Variants in GANC observed in about 807,000 individuals in gnomAD.
GANC encodes neutral alpha-glucosidase C.
A neutral mutation model predicts 124.2 loss-of-function variants in GANC; 117 were observed. That is an observed-to-expected ratio of 0.94 (90% CI 0.81 to 1.10). The LOEUF is 1.10. GANC is among the 50% of genes least tolerant of loss of function. The probability of loss-of-function intolerance (pLI) is 0.00; values close to 1 mark genes in which losing one functional copy is unlikely to be tolerated. For synonymous variants in GANC, 377 were observed against 376.8 expected (o/e 1.00, Z -0.01); for missense variants, 1,140 against 1,095.0 (o/e 1.04, Z -0.58).
chr15:42,337,114 C>T (rs1360577026), intron 15 of GANC, among the ~76,000 whole-genome samples: 2 of 152,144 alleles, frequency 1.3e-5, no homozygotes, highest in Non-Finnish European at 2.9e-5. Context: ...ACCATTTGAC[C>T]CAGCAATCCC....
chr15:42,284,252 A>T, intron 3 of GANC: 1 of 520,418 alleles, frequency 1.9e-6, no homozygotes, highest in Non-Finnish European at 3.4e-6. Flanking sequence ...GTCTTTACTA[A>T]TTGTGATTCC....
intron 3 of GANC, among the ~76,000 whole-genome samples, chr15:42,281,316 T>C (rs947847191): frequency 6.6e-6 from 1 of 152,230 alleles, no homozygotes; most frequent in Non-Finnish European, 1.5e-5. Flanking sequence ...TCTGTCAGTC[T>C]GTTAGAGACA....
intron 6 of GANC, 114 bp from the exon 7 acceptor site, chr15:42,306,432 A>G: frequency 6.3e-6 from 5 of 795,076 alleles, no homozygotes; most frequent in Non-Finnish European, 1.0e-5. Context: ...CTTCTAAAAG[A>G]TGAACTCACT....
intron 11 of GANC, among the ~76,000 whole-genome samples, chr15:42,325,862 T>C (rs536730906): frequency 6.6e-6 from 1 of 152,316 alleles, no homozygotes; most frequent in African/African-American, 2.4e-5. Flanking sequence ...GCTCAAACAG[T>C]CCTCCTGCCT....
intron 21 of GANC, among the ~76,000 whole-genome samples, chr15:42,349,073 T>C (rs2052396121): frequency 6.6e-6 from 1 of 152,242 alleles, no homozygotes; most frequent in African/African-American, 2.4e-5. Flanking sequence ...CAATGAACTT[T>C]CTTGGCCTTG....
Position 42,353,658 on chromosome 15 carries a change from T to C in GANC, c.*1519T>C, listed in dbSNP as rs776706358. ...GATTTAATTGATTAAAAAATTACGA[T>C]TGAATGTATTTCCATCTGATTTGCT... On this transcript the variant is annotated 3_prime_UTR_variant, in exon 24 of 24. Transcript: ENST00000318010. 1.0e-6 allele frequency: 1 copy of C among 985,482 alleles called. No homozygotes were observed. The highest frequency in any genetic ancestry group is 1.2e-6 in the Non-Finnish European group (1 of 829,792). The allele number at this position is 985,482 out of a possible 1,614,324, so 61.0% of individuals were successfully genotyped here.
chr15:42,307,218 A>C (rs2052006018), intron 7 of GANC, among the ~76,000 whole-genome samples: 1 of 152,010 alleles, frequency 6.6e-6, no homozygotes, highest in African/African-American at 2.4e-5. Flanking sequence ...TAAAATTCCC[A>C]TTCTAGCCAT....
rs1280520932 is a variant in GANC at position 42,322,116 on chromosome 15, T to TA, written c.1293+102dup. ...ACATCAGTGGTGGAGAAACATCTGA[T>TA]AAAAAATGGCTGTGAAAATAGTAGA... On this transcript the variant is annotated intron_variant, in intron 11 of 23. Coordinates refer to ENST00000318010, the MANE Select transcript of GANC (RefSeq NM_198141.3). 35 of 950,524 alleles carry TA rather than the reference T, an allele frequency of 3.7e-5. No homozygotes were observed. The South Asian group carries it at 5.6e-4, about 15-fold the overall frequency. 58.9% of individuals were successfully genotyped at this position (950,524 alleles called of 1,614,324 possible). A position where few individuals can be genotyped will look rare whatever the true frequency, so the allele number is the denominator to read the frequency against.
intron 10 of GANC, among the ~76,000 whole-genome samples, chr15:42,311,689 A>C (rs1327021496): frequency 6.6e-6 from 1 of 152,112 alleles, no homozygotes; most frequent in Non-Finnish European, 1.5e-5. Context: ...ACTTTTAAAC[A>C]ACCAGATCTT....
chr15:42,275,303 G>A (rs1314970246), intron 1 of GANC, among the ~76,000 whole-genome samples: 2 of 152,144 alleles, frequency 1.3e-5, no homozygotes, highest in Non-Finnish European at 2.9e-5. Context: ...GAGCCCAGGA[G>A]GCGGCAGTTG....
At chr15:42,309,345 A>G (rs2052028890) in intron 8 of GANC, among the ~76,000 whole-genome samples, 1 of 150,848 alleles carries the variant, frequency 6.6e-6, no homozygotes, top group African/African-American at 2.4e-5. Flanking sequence ...TTTGAGACAG[A>G]GTCTCGCACT....
At position 42,353,426 on chromosome 15, in the gene GANC, G is replaced by A. The variant is rs945349193; in HGVS notation, c.*1287G>A. 7.3e-5 allele frequency: 70 copies of A among 956,706 alleles called. No individual in the cohort carries two copies. In the African/African-American group the frequency reaches 1.2e-3, roughly 16 times the overall value. 59.3% of individuals were successfully genotyped at this position (956,706 alleles called of 1,614,324 possible). On this transcript the variant is annotated 3_prime_UTR_variant, in exon 24 of 24. Transcript: ENST00000318010. ...CCCTACCCCCATACCCATTAGCAGT[G>A]ATTTTGCCCTTCCCCGTAATGCTGT...
chr15:42,299,817 A>G (rs1254439321), intron 6 of GANC, among the ~76,000 whole-genome samples: 1 of 152,222 alleles, frequency 6.6e-6, no homozygotes, highest in Non-Finnish European at 1.5e-5. Flanking sequence ...CCACACATCT[A>G]CAACCATCTG....
intron 13 of GANC, among the ~76,000 whole-genome samples, chr15:42,328,587 C>T (rs750057730): frequency 6.6e-6 from 1 of 151,308 alleles, no homozygotes; most frequent in Non-Finnish European, 1.5e-5. Context: ...TCTGTGGGGT[C>T]TCAGAAGGTA....
intron 3 of GANC, 127 bp from the exon 4 acceptor site, chr15:42,287,564 C>A: frequency 1.1e-6 from 1 of 895,770 alleles, no homozygotes; most frequent in East Asian, 2.9e-5. Flanking sequence ...TTTTTAATTG[C>A]CATTGTTCTC....
intron 12 of GANC, among the ~76,000 whole-genome samples, chr15:42,326,977 C>G (rs1283948910): frequency 2.6e-5 from 4 of 152,230 alleles, no homozygotes; most frequent in Non-Finnish European, 4.4e-5. Context: ...AATCCATGCA[C>G]TGTAGAGAAA....
chr15:42,309,557 ATCCACCT>A (rs2052031544), intron 8 of GANC, among the ~76,000 whole-genome samples: 1 of 151,748 alleles, frequency 6.6e-6, no homozygotes, highest in African/African-American at 2.4e-5. Flanking sequence ...TGACCTCATG[ATCCACCT>A]GCTTCGGCCT....
intron 19 of GANC, 170 bp downstream of exon 19, chr15:42,343,324 A>G: frequency 5.1e-6 from 3 of 593,158 alleles, no homozygotes; most frequent in Non-Finnish European, 8.9e-6. Flanking sequence ...AAGAAACTTA[A>G]TGGAGGAGAG....
chr15:42,325,462 C>G (rs2052191697), intron 11 of GANC, among the ~76,000 whole-genome samples: 1 of 152,168 alleles, frequency 6.6e-6, no homozygotes, highest in African/African-American at 2.4e-5. Flanking sequence ...ATGCTAGAGA[C>G]ACAGCGCTGT....
Sources: allele counts gnomAD v4.1 joint callset (sites outside exome capture counted in the v4.1 genomes callset), GRCh38; gene constraint gnomAD v4.1.1; transcripts MANE v1.5; gene names NCBI Gene and HGNC (gene_info 2026-07-23, HGNC 2026-07-21).